The following GOLGA8B variants were observed in gnomAD, a reference collection of about 807,000 sequenced individuals.
GOLGA8B encodes golgin A8 family member B.
GOLGA8B carries 1 observed loss-of-function variant against 15.6 expected under a neutral mutation model. The ratio of observed to expected loss-of-function variants is 0.06; its 90% CI spans 0.02 to 0.30. The LOEUF is 0.30. Among genes scored for constraint, GOLGA8B ranks in the 10% least tolerant of loss-of-function variants. The pLI, the probability that GOLGA8B is intolerant of heterozygous loss-of-function variation, is 1.00. For synonymous variants in GOLGA8B, 9 were observed against 80.3 expected, an observed-to-expected ratio of 0.11 and a Z score of 4.75; for missense variants, 17 against 201.3, an observed-to-expected ratio of 0.08 and a Z score of 5.54.
At position 34,556,654 on chromosome 15, in the gene GOLGA8B, AG is replaced by A. The variant is rs573042116; in HGVS notation, c.-1122-2699del. ...GAGCCAGGGCCTGCGGACTCTGCAG[AG>A]GGCTGCCCACCCATCAAGGCCAGCT... On this transcript the variant is annotated intron_variant, in intron 1 of 23. Coordinates refer to ENST00000683415, the MANE Select transcript of GOLGA8B (RefSeq NM_001023567.5). 3.3e-4 allele frequency: 340 copies of A among 1,032,374 alleles called. No homozygotes were observed. The African/African-American group carries it at 4.2e-3, about 13-fold the overall frequency. The allele number at this position is 1,032,374 out of a possible 1,614,324, so 64.0% of individuals were successfully genotyped here.
intron 1 of GOLGA8B, among the ~76,000 whole-genome samples, chr15:34,576,690 A>C (rs1889091050): frequency 6.6e-6 from 1 of 152,214 alleles, no homozygotes; most frequent in South Asian, 2.1e-4. Flanking sequence ...AATGTGACCC[A>C]TTCAGTCCTG....
chr15:34,574,967 G>A (rs1889027320), intron 1 of GOLGA8B: 2 of 152,120 alleles, frequency 1.3e-5, no homozygotes, highest in Non-Finnish European at 2.9e-5. Context: ...TCGAGGCCGT[G>A]GACAGGAGGC....
intron 1 of GOLGA8B, among the ~76,000 whole-genome samples, chr15:34,576,678 T>G (rs1889090686): frequency 6.6e-6 from 1 of 152,120 alleles, no homozygotes; most frequent in Non-Finnish European, 1.5e-5. Context: ...GAATCAACCA[T>G]CAATGTGACC....
chr15:34,574,381 G>A (rs1322729065), intron 1 of GOLGA8B, among the ~76,000 whole-genome samples: 2 of 150,950 alleles, frequency 1.3e-5, no homozygotes, highest in Non-Finnish European at 2.9e-5. Flanking sequence ...ACAACTCACT[G>A]CAGCCTCAAC....
At chr15:34,572,195 G>A (rs1225679636) in intron 1 of GOLGA8B, among the ~76,000 whole-genome samples, 13 of 152,170 alleles carry the variant, frequency 8.5e-5, no homozygotes, top group Admixed American at 2.6e-4. Context: ...TGGGGACACC[G>A]CTGCCCCACA....
At chr15:34,578,719 G>T (rs979003232) in intron 1 of GOLGA8B, among the ~76,000 whole-genome samples, 1 of 152,242 alleles carries the variant, frequency 6.6e-6, no homozygotes, top group African/African-American at 2.4e-5. Flanking sequence ...TTTCATTCCA[G>T]TGGTTTCGCC....
chr15:34,573,897 C>T lies in GOLGA8B; in HGVS notation c.-1123+9619G>A, dbSNP rs1220163669. ...CGGACTCCCAGGTACCTGTGGAGTC[C>T]TAGGTGGTTGAGGAACTGGGGGAGG... On this transcript the variant is annotated intron_variant, in intron 1 of 23. Coordinates refer to ENST00000683415, the MANE Select transcript of GOLGA8B (RefSeq NM_001023567.5). Among the ~76,000 whole-genome samples the T allele has an allele frequency of 2.6e-5, 4 of 150,948 alleles. No individual in the cohort carries two copies. The South Asian group carries it at 8.3e-4, about 31-fold the overall frequency.
chr15:34,574,868 A>G (rs1238691633), intron 1 of GOLGA8B: 1 of 152,146 alleles, frequency 6.6e-6, no homozygotes, highest in Non-Finnish European at 1.5e-5. Flanking sequence ...TCAGGTAAGA[A>G]ATGTTTCTTG....
chr15:34,580,167 G>C (rs1158071775), intron 1 of GOLGA8B, among the ~76,000 whole-genome samples: 1 of 152,184 alleles, frequency 6.6e-6, no homozygotes, highest in African/African-American at 2.4e-5. Context: ...CATTCAGTTA[G>C]GATCTCCGGG....
chr15:34,564,654 G>A (rs1888711072), intron 1 of GOLGA8B, among the ~76,000 whole-genome samples: 3 of 145,526 alleles, frequency 2.1e-5, no homozygotes, highest in South Asian at 4.3e-4. Flanking sequence ...GTATGTGAAT[G>A]TTATGGTCTT....
intron 1 of GOLGA8B, among the ~76,000 whole-genome samples, chr15:34,563,991 G>C (rs143301696): frequency 0.19 from 23,425 of 125,338 alleles, 2,455 homozygotes; most frequent in Admixed American, 0.3. Context: ...AAGCTTACAT[G>C]TTTTTCTAAG....
At chr15:34,572,277 GC>G (rs1167833894) in intron 1 of GOLGA8B, among the ~76,000 whole-genome samples, 4 of 152,190 alleles carry the variant, frequency 2.6e-5, no homozygotes, top group Non-Finnish European at 4.4e-5. Context: ...CACTCTGAAT[GC>G]CCAAACCATT....
At position 34,572,515 on chromosome 15, in the gene GOLGA8B, G is replaced by A. The variant is rs184047689; in HGVS notation, c.-1123+11001C>T. 1.8e-3 allele frequency among the ~76,000 whole-genome samples: 276 copies of A among 152,330 alleles called. 1 individual carries two copies. The highest frequency in any genetic ancestry group is 3.4e-3 in the Middle Eastern group (1 of 294). ...AAGACACACAGCTGGTGAGCGGATC[G>A]AAGTGCAAATCTTATTTACAGTAGG... On this transcript the variant is annotated intron_variant, in intron 1 of 23. Transcript: ENST00000683415.
In GOLGA8B at chr15:34,576,265, A is replaced by C. The variant is rs1159895118; in HGVS notation, c.-1123+7251T>G. Among the ~76,000 whole-genome samples the C allele has an allele frequency of 2.0e-5, 3 of 152,236 alleles. No homozygotes were observed. The East Asian group carries it at 5.8e-4, about 29-fold the overall frequency. ...ACAAGTTGGAGATGAGGCTGCCTCT[A>C]GGTGTATCAAATCAACTGAAGTAGC... On this transcript the variant is annotated intron_variant, in intron 1 of 23. Coordinates refer to ENST00000683415, the MANE Select transcript of GOLGA8B (RefSeq NM_001023567.5).
intron 1 of GOLGA8B, among the ~76,000 whole-genome samples, chr15:34,578,091 T>C (rs1327605668): frequency 1.3e-5 from 2 of 152,214 alleles, no homozygotes; most frequent in African/African-American, 4.8e-5. Flanking sequence ...TAAATGTCAG[T>C]AGTGTTCTCT....
chr15:34,569,639 C>T (rs1188542094), intron 1 of GOLGA8B, among the ~76,000 whole-genome samples: 1 of 151,850 alleles, frequency 6.6e-6, no homozygotes, highest in African/African-American at 2.4e-5. Flanking sequence ...ACCATAAACA[C>T]ATTGTTAGCT....
intron 1 of GOLGA8B, among the ~76,000 whole-genome samples, chr15:34,570,834 G>T (rs1160327017): frequency 2.0e-5 from 2 of 101,358 alleles, no homozygotes; most frequent in African/African-American, 6.7e-5. Context: ...AGAAGTGAGA[G>T]ACGCACAAAC....
At position 34,526,800 on chromosome 15, in the gene GOLGA8B, C is replaced by G. The variant is rs530155736; in HGVS notation, c.*832G>C. The stretch of plus-strand genomic sequence containing the variant: ...AGCCAACGATGGCAGCCTTTCATTC[C>G]TCGGAAATAAGCCATTTTTAGGTCA... On this transcript the variant is annotated 3_prime_UTR_variant, in exon 24 of 24. Coordinates refer to ENST00000683415, the MANE Select transcript of GOLGA8B (RefSeq NM_001023567.5). The G allele has an allele frequency of 1.3e-5, 2 of 149,428 alleles. 1 individual carries two copies. Among genetic ancestry groups the G allele is most frequent in the East Asian group, 3.9e-4 (2 of 5,100 alleles). 9.3% of individuals were successfully genotyped at this position (149,428 alleles called of 1,614,324 possible).
chr15:34,560,141 TTATAG>T (rs1320386362), intron 1 of GOLGA8B, among the ~76,000 whole-genome samples: 1 of 150,328 alleles, frequency 6.7e-6, no homozygotes, highest in Non-Finnish European at 1.5e-5. Context: ...AGGCTGTGGC[TTATAG>T]TAAAGTGACT....
Sources: allele counts gnomAD v4.1 joint callset (sites outside exome capture counted in the v4.1 genomes callset), GRCh38; gene constraint gnomAD v4.1.1; transcripts MANE v1.5; gene names NCBI Gene and HGNC (gene_info 2026-07-23, HGNC 2026-07-21).